The following TMCO4 variants were observed in gnomAD, a reference collection of about 807,000 sequenced individuals.
TMCO4 encodes the protein transmembrane and coiled-coil domains 4.
A neutral mutation model predicts 64.7 loss-of-function variants in TMCO4; 58 were observed. That is an observed-to-expected ratio of 0.90 (90% CI 0.73 to 1.12). The LOEUF is 1.12. Ranked by LOEUF, TMCO4 falls within the 50% of genes most tolerant of loss-of-function variation. TMCO4 has a pLI of 0.00. For missense variants in TMCO4, 780 were observed against 825.9 expected (o/e 0.94, Z 0.68); for synonymous variants, 325 against 346.1 (o/e 0.94, Z 0.68).
intron 13 of TMCO4, among the ~76,000 whole-genome samples, chr1:19,709,285 GC>G (rs745421282): frequency 1.2e-5 from 1 of 81,074 alleles, no homozygotes; most frequent in South Asian, 4.6e-4. Context: ...TAACATCCCG[GC>G]GGGGGGGGGG....
chr1:19,723,160 T>G (rs1019396068), intron 13 of TMCO4, among the ~76,000 whole-genome samples: 5 of 152,324 alleles, frequency 3.3e-5, no homozygotes, highest in African/African-American at 1.2e-4. Context: ...TTTTGGAATA[T>G]TTGCATTATT....
chr1:19,728,170 A>G (rs900569405), intron 13 of TMCO4, among the ~76,000 whole-genome samples: 3 of 152,200 alleles, frequency 2.0e-5, no homozygotes, highest in Non-Finnish European at 4.4e-5. Flanking sequence ...GTTTACCTAC[A>G]TAACAAGCCT....
Position 19,702,285 on chromosome 1 carries a change from C to CAGAAAAA in TMCO4, c.1265-1401_1265-1400insTTTTTCT, listed in dbSNP as rs751695121. 9.7e-4 allele frequency among the ~76,000 whole-genome samples: 100 copies of CAGAAAAA among 102,916 alleles called. 2 individuals carry two copies. Among genetic ancestry groups the CAGAAAAA allele is most frequent in the South Asian group, 4.6e-3 (12 of 2,636 alleles). 67.5% of individuals were successfully genotyped at this position (102,916 alleles called of 152,430 possible). On this transcript the variant is annotated intron_variant, in intron 13 of 15. Coordinates refer to ENST00000294543, the MANE Select transcript of TMCO4 (RefSeq NM_181719.7). ...TGCCTGGCCGAGACTCTTGTCTTTA[C>CAGAAAAA]AAAAAAAAAAAAAAAAAAAGTCAGG...
chr1:19,706,735 T>C (rs2095305073), intron 13 of TMCO4, among the ~76,000 whole-genome samples: 1 of 152,216 alleles, frequency 6.6e-6, no homozygotes, highest in Non-Finnish European at 1.5e-5. Flanking sequence ...CCCTCAGCTC[T>C]TAGAACTTAT....
At position 19,740,847 on chromosome 1, in the gene TMCO4, G is replaced by C. The variant is rs768410884; in HGVS notation, c.972C>G (p.Ala324=). The change falls in exon 11 of 16, where the codon GCC becomes GCG. Residue 324 remains alanine (A), a synonymous_variant. Transcript: ENST00000294543. ...EAKYLMELGN[A]LETILSGLAN... is the part of the protein sequence containing the mutation. ...CGAGACCACTGAGGATGGTCTCCAGGGCATTGCCGAGCTCCATCAGGTACT... is the reference window on the plus strand; with the variant it reads ...CGAGACCACTGAGGATGGTCTCCAGCGCATTGCCGAGCTCCATCAGGTACT... 2 of 1,614,144 alleles carry C rather than the reference G, an allele frequency of 1.2e-6. No individual in the cohort carries two copies. The highest frequency in any genetic ancestry group is 2.2e-5 in the South Asian group (2 of 91,078).
intron 15 of TMCO4, among the ~76,000 whole-genome samples, chr1:19,693,026 A>T (rs1202435126): frequency 1.3e-5 from 2 of 151,514 alleles, no homozygotes; most frequent in East Asian, 3.9e-4. Flanking sequence ...ACAAAAAATT[A>T]GCTAGATGTG....
chr1:19,718,943 C>CT (rs1435340320), intron 13 of TMCO4, among the ~76,000 whole-genome samples: 7 of 152,182 alleles, frequency 4.6e-5, no homozygotes, highest in African/African-American at 1.7e-4. Context: ...GAAGCAACTG[C>CT]TAACTACACA....
intron 2 of TMCO4, among the ~76,000 whole-genome samples, chr1:19,795,867 C>T (rs1046485075): frequency 6.6e-6 from 1 of 152,232 alleles, no homozygotes; most frequent in African/African-American, 2.4e-5. Flanking sequence ...AGGCTCACAT[C>T]CCACTTCTGA....
intron 13 of TMCO4, among the ~76,000 whole-genome samples, chr1:19,722,145 G>A (rs2095387566): frequency 6.6e-6 from 1 of 152,266 alleles, no homozygotes; most frequent in Non-Finnish European, 1.5e-5. Context: ...GATGTCAAGG[G>A]GATCCTGTAC....
At chr1:19,716,383 T>TTC (rs1486312471) in intron 13 of TMCO4, among the ~76,000 whole-genome samples, 1 of 140,246 alleles carries the variant, frequency 7.1e-6, no homozygotes, top group African/African-American at 2.5e-5. Flanking sequence ...TTTTCTTTCT[T>TTC]TTTTTTTTTT....
chr1:19,737,138 G>C (rs573454820), intron 13 of TMCO4, among the ~76,000 whole-genome samples: 35 of 152,318 alleles, frequency 2.3e-4, no homozygotes, highest in African/African-American at 7.5e-4. Flanking sequence ...ACAAAAGCCA[G>C]TGTCATTATT....
intron 2 of TMCO4, among the ~76,000 whole-genome samples, chr1:19,793,436 C>T (rs765841181): frequency 1.2e-4 from 18 of 152,116 alleles, no homozygotes; most frequent in African/African-American, 4.8e-5. Context: ...ACATACCACA[C>T]CCAAAATAAG....
At chr1:19,765,904 G>A (rs1233177723) in intron 6 of TMCO4, among the ~76,000 whole-genome samples, 1 of 152,200 alleles carries the variant, frequency 6.6e-6, no homozygotes, top group African/African-American at 2.4e-5. Flanking sequence ...CTGCAGCACA[G>A]ATAGCCTCCT....
At chr1:19,754,105 T>C (rs754665227) in intron 7 of TMCO4, among the ~76,000 whole-genome samples, 3 of 152,200 alleles carry the variant, frequency 2.0e-5, no homozygotes, top group African/African-American at 4.8e-5. Context: ...AGTTAAATAA[T>C]GCCCAGATTC....
intron 4 of TMCO4, among the ~76,000 whole-genome samples, chr1:19,778,899 T>C (rs1557611423): frequency 6.6e-6 from 1 of 152,130 alleles, no homozygotes; most frequent in Non-Finnish European, 1.5e-5. Flanking sequence ...GTAGCAGGTA[T>C]GGAGAGTTCC....
intron 13 of TMCO4, among the ~76,000 whole-genome samples, chr1:19,703,467 T>C (rs1410421866): frequency 2.0e-5 from 3 of 150,648 alleles, no homozygotes; most frequent in Admixed American, 6.6e-5. Context: ...CCTTCCTTCC[T>C]TCCCTCCTTC....
Position 19,734,207 on chromosome 1 carries a change from T to A in TMCO4, c.1264+3165A>T, listed in dbSNP as rs149512045. Among the ~76,000 whole-genome samples, 232 of 152,114 alleles carry A rather than the reference T, an allele frequency of 1.5e-3. 4 individuals are homozygous for A. The East Asian group carries it at 0.04, about 26-fold the overall frequency. The stretch of plus-strand genomic sequence containing the variant: ...GCTTGGTCTGCTGGAGCCCGGCATG[T>A]GAGGTGGAGAGAGGCGGGGGAAGGT... On this transcript the variant is annotated intron_variant, in intron 13 of 15. Coordinates refer to ENST00000294543, the MANE Select transcript of TMCO4 (RefSeq NM_181719.7). The surrounding 1 kb of genome is among the most constrained non-coding windows in gnomAD (Gnocchi z 4.4).
intron 4 of TMCO4, among the ~76,000 whole-genome samples, chr1:19,775,441 A>G (rs2043165304): frequency 2.6e-5 from 4 of 152,178 alleles, no homozygotes; most frequent in Admixed American, 2.6e-4. Context: ...CCTTCCCTGG[A>G]ATCCAGGCTT....
At position 19,713,046 on chromosome 1, in the gene TMCO4, G is replaced by A. The variant is rs959263095; in HGVS notation, c.1265-12161C>T. 2.1e-4 allele frequency among the ~76,000 whole-genome samples: 32 copies of A among 152,326 alleles called. 1 individual carries two copies. Among genetic ancestry groups the A allele is most frequent in the Middle Eastern group, 6.8e-3 (2 of 294 alleles). Reference sequence around the variant, plus strand: ...CCATTCTTATGGTGAGGTTCTAGGAGAGAGTGGAATTCACGTGCAAGGCCT... The same window carrying A: ...CCATTCTTATGGTGAGGTTCTAGGAAAGAGTGGAATTCACGTGCAAGGCCT... On this transcript the variant is annotated intron_variant, in intron 13 of 15. Coordinates refer to ENST00000294543, the MANE Select transcript of TMCO4 (RefSeq NM_181719.7).
Sources: allele counts gnomAD v4.1 joint callset (sites outside exome capture counted in the v4.1 genomes callset), GRCh38; gene constraint gnomAD v4.1.1; non-coding constraint Gnocchi (gnomAD v3.1); transcripts MANE v1.5; gene names NCBI Gene and HGNC (gene_info 2026-07-23, HGNC 2026-07-21).